Variants in CDH12 observed in about 807,000 individuals in gnomAD.
The protein encoded by CDH12 is cadherin 12, also known as cadherin-12.
Under a neutral mutation model 74.1 loss-of-function variants are expected in CDH12, and 41 were observed. The ratio of observed to expected loss-of-function variants is 0.55; its 90% confidence interval spans 0.43 to 0.72. The LOEUF (loss-of-function observed/expected upper bound fraction) is 0.72. CDH12 is among the 30% of genes least tolerant of loss of function. The pLI is 0.00. For synonymous variants in CDH12, 399 were observed against 355.0 expected (o/e 1.12, Z -1.39); for missense variants, 945 against 977.2 (o/e 0.97, Z 0.44).
chr5:21,806,876 G>A (rs1399382620), intron 9 of CDH12, among the ~76,000 whole-genome samples: 1 of 152,180 alleles, frequency 6.6e-6, no homozygotes, highest in Non-Finnish European at 1.5e-5. Flanking sequence ...TTTGAACCAA[G>A]GATGATAGTA....
At chr5:21,858,251 A>G (rs1228321396) in intron 6 of CDH12, among the ~76,000 whole-genome samples, 1 of 151,930 alleles carries the variant, frequency 6.6e-6, no homozygotes, top group Non-Finnish European at 1.5e-5. Context: ...AACTTAGTAA[A>G]GCATAATTTA....
intron 4 of CDH12, among the ~76,000 whole-genome samples, chr5:22,154,405 T>TAC (rs139877832): frequency 0.37 from 52,611 of 141,444 alleles, 11,985 homozygotes; most frequent in East Asian, 0.73. Flanking sequence ...AACCCCAGTT[T>TAC]ACACACACAC....
intron 1 of CDH12, among the ~76,000 whole-genome samples, chr5:22,566,683 T>C (rs1739302507): frequency 6.6e-6 from 1 of 152,168 alleles, no homozygotes; most frequent in Non-Finnish European, 1.5e-5. Context: ...CTGGTTAGCG[T>C]CCGGAATTGG....
intron 3 of CDH12, among the ~76,000 whole-genome samples, chr5:22,310,255 G>T (rs1235786108): frequency 6.6e-6 from 1 of 152,036 alleles, no homozygotes; most frequent in East Asian, 1.9e-4. Context: ...GACGTCAGGA[G>T]TTTGAGACCA....
At chr5:22,216,118 A>C (rs566317076) in intron 3 of CDH12, among the ~76,000 whole-genome samples, 210 of 152,164 alleles carry the variant, frequency 1.4e-3, no homozygotes, top group African/African-American at 4.9e-3. Context: ...CACTATGTCG[A>C]ACAAATATGT....
At chr5:22,806,966 C>G (rs1397874277) in intron 1 of CDH12, among the ~76,000 whole-genome samples, 1 of 152,114 alleles carries the variant, frequency 6.6e-6, no homozygotes, top group African/African-American at 2.4e-5. Flanking sequence ...TGCAGAAGCT[C>G]TTTAGTTTAA....
intron 1 of CDH12, among the ~76,000 whole-genome samples, chr5:22,810,457 T>C (rs534784493): frequency 6.6e-6 from 1 of 152,276 alleles, no homozygotes; most frequent in African/African-American, 2.4e-5. Context: ...CAAGGGACAC[T>C]TTTATTCTCC....
intron 1 of CDH12, among the ~76,000 whole-genome samples, chr5:22,743,278 ATATGTATATATATG>A (rs1385082525): frequency 3.0e-4 from 42 of 138,808 alleles, no homozygotes; most frequent in Non-Finnish European, 6.1e-4. Flanking sequence ...ATATATATAT[ATATGTATATATATG>A]TATATGTATA....
intron 1 of CDH12, among the ~76,000 whole-genome samples, chr5:22,658,134 T>C (rs1281056683): frequency 1.3e-5 from 2 of 152,142 alleles, no homozygotes; most frequent in African/African-American, 4.8e-5. Context: ...TAGTAATTTG[T>C]GGGCAAAGTT....
intron 1 of CDH12, among the ~76,000 whole-genome samples, chr5:22,607,399 A>T (rs992115684): frequency 6.6e-6 from 1 of 152,204 alleles, no homozygotes; most frequent in African/African-American, 2.4e-5. Flanking sequence ...ACAGTTCCAC[A>T]TGCCCGGGGA....
chr5:21,925,229 A>C (rs1216210777), intron 6 of CDH12, among the ~76,000 whole-genome samples: 1 of 152,220 alleles, frequency 6.6e-6, no homozygotes, highest in Non-Finnish European at 1.5e-5. Flanking sequence ...TTGTGAAAAG[A>C]AGACAGTTTG....
chr5:22,700,797 T>A (rs1742674494), intron 1 of CDH12, among the ~76,000 whole-genome samples: 2 of 152,222 alleles, frequency 1.3e-5, no homozygotes, highest in South Asian at 4.1e-4. Context: ...TATATCTGAA[T>A]GACCAGGTAA....
At chr5:22,743,311 T>C (rs1414358321) in intron 1 of CDH12, among the ~76,000 whole-genome samples, 1 of 149,164 alleles carries the variant, frequency 6.7e-6, no homozygotes, top group Non-Finnish European at 1.5e-5. Flanking sequence ...TATATATGTA[T>C]ATGTATATAT....
At chr5:22,131,324 C>CA (rs1257121965) in intron 4 of CDH12, among the ~76,000 whole-genome samples, 1 of 151,962 alleles carries the variant, frequency 6.6e-6, no homozygotes, top group Non-Finnish European at 1.5e-5. Context: ...TCACAGCTTA[C>CA]AAAATGCATC....
chr5:22,728,068 A>G (rs1330979754), intron 1 of CDH12, among the ~76,000 whole-genome samples: 9 of 151,842 alleles, frequency 5.9e-5, no homozygotes, highest in Admixed American at 5.9e-4. Context: ...TCAATTAAAT[A>G]TGTTATCTCT....
chr5:22,125,638 C>A (rs560900216), intron 4 of CDH12, among the ~76,000 whole-genome samples: 10 of 152,274 alleles, frequency 6.6e-5, no homozygotes, highest in African/African-American at 1.2e-4. Flanking sequence ...CTACCACCAA[C>A]CTCTGCAAGT....
At chr5:22,209,290 C>T (rs2150360934) in intron 4 of CDH12, among the ~76,000 whole-genome samples, 1 of 152,284 alleles carries the variant, frequency 6.6e-6, no homozygotes, top group East Asian at 1.9e-4. Flanking sequence ...CTACACTAAA[C>T]CTCTGTGGAC....
intron 8 of CDH12, among the ~76,000 whole-genome samples, chr5:21,835,853 A>G (rs1454648869): frequency 1.3e-5 from 2 of 151,854 alleles, no homozygotes; most frequent in African/African-American, 2.4e-5. Flanking sequence ...ACATATCAAT[A>G]GTTTTAACTG....
chr5:22,054,165 G>A (rs538366135), intron 5 of CDH12, among the ~76,000 whole-genome samples: 9 of 152,098 alleles, frequency 5.9e-5, no homozygotes, highest in East Asian at 1.9e-4. Flanking sequence ...AATATAGAGC[G>A]TCTGCTAAAC....
Sources: allele counts gnomAD v4.1 joint callset (sites outside exome capture counted in the v4.1 genomes callset), GRCh38; gene constraint gnomAD v4.1.1; transcripts MANE v1.5; gene names NCBI Gene and HGNC (gene_info 2026-07-23, HGNC 2026-07-21).